The following NDRG1 variants were observed in gnomAD, a reference collection of about 807,000 sequenced individuals.
NDRG1 encodes the protein N-myc downstream regulated 1.
NDRG1 carries 32 observed loss-of-function variants against 56.9 expected under a neutral mutation model. The ratio of observed to expected loss-of-function variants is 0.56; its 90% CI spans 0.42 to 0.76. The LOEUF is 0.76. NDRG1 is among the 30% of genes least tolerant of loss of function. The pLI is 0.00. For synonymous variants in NDRG1, 211 were observed against 204.1 expected, an observed-to-expected ratio of 1.03 and a Z score of -0.29; for missense variants, 507 against 545.7, an observed-to-expected ratio of 0.93 and a Z score of 0.71.
chr8:133,281,528 G>T (rs751977297), intron 2 of NDRG1, among the ~76,000 whole-genome samples: 1 of 152,118 alleles, frequency 6.6e-6, no homozygotes, highest in African/African-American at 2.4e-5. Context: ...ATTTCTAAGA[G>T]ATGTTGCTGG....
In NDRG1 at chr8:133,248,767, G is replaced by C; in HGVS notation, c.703C>G (p.Arg235Gly). Residue 235 changes from arginine (R) to glycine (G), a missense_variant, in exon 11 of 16, where the codon CGC becomes GGC. Transcript: ENST00000323851. ...HLFINAYNSR[R>G]DLEIERPMPG... Reference sequence around the variant, plus strand: ...ATTGGTCGCTCAATCTCCAGGTCGCGCCGGCTGCAGGAAACAAATGCATCA... The same window carrying C: ...ATTGGTCGCTCAATCTCCAGGTCGCCCCGGCTGCAGGAAACAAATGCATCA... The C allele has an allele frequency of 6.2e-7, 1 of 1,614,106 alleles. No homozygotes were observed. The highest frequency in any genetic ancestry group is 8.5e-7 in the Non-Finnish European group (1 of 1,180,038).
intron 10 of NDRG1, 50 bp from the exon 11 acceptor site, chr8:133,248,821 A>G (rs1428865542): frequency 6.2e-7 from 1 of 1,608,556 alleles, no homozygotes; most frequent in Non-Finnish European, 8.5e-7. Flanking sequence ...CCCTGGAGAA[A>G]TCTCCCACTC....
rs1855227015 is a variant in NDRG1 at position 133,239,003 on chromosome 8, A to G, written c.1060T>C (p.Ser354Pro). Residue 354 changes from serine (S) to proline (P), a missense_variant, in exon 16 of 16, where the codon TCC becomes CCC. Transcript: ENST00000323851. ...SHTSEGTRSR[S>P]HTSEGTRSRS... is the part of the protein sequence containing the mutation. ...CTGCGGGTGCCCTCGCTGGTGTGGG[A>G]GCGGCTTCGGGTGCCCTCGCTGGTG... 1.9e-6 allele frequency: 3 copies of G among 1,596,318 alleles called. No individual in the cohort carries two copies. Among genetic ancestry groups the G allele is most frequent in the Non-Finnish European group, 2.6e-6 (3 of 1,173,018 alleles).
chr8:133,281,066 T>A (rs987358621), intron 2 of NDRG1: 6 of 152,214 alleles, frequency 3.9e-5, no homozygotes, highest in African/African-American at 1.4e-4. Flanking sequence ...CTAAAAATTC[T>A]GAGTTTCAGG....
chr8:133,246,647 T>C lies in NDRG1; in HGVS notation c.824A>G (p.Lys275Arg). 1.2e-6 allele frequency: 2 copies of C among 1,614,198 alleles called. No homozygotes were observed. Among genetic ancestry groups the C allele is most frequent in the African/African-American group, 1.3e-5 (1 of 75,058 alleles). The stretch of plus-strand genomic sequence containing the variant: ...GAGAGTGGTCTTTGTTGGGTCCAAT[T>C]TTGAGTTGCACTCCACCTGCACAAG... The part of the protein sequence containing the change: ...AVDAVVECNS[K>R]LDPTKTTLLK... Residue 275 changes from lysine to arginine, a missense_variant, in exon 13 of 16, where the codon AAA becomes AGA. Coordinates refer to ENST00000323851, the MANE Select transcript of NDRG1 (RefSeq NM_006096.4).
rs568772321 is a variant in NDRG1, at chr8:133,243,615, C to G, written c.891+740G>C. Among the ~76,000 whole-genome samples the G allele has an allele frequency of 2.0e-5, 3 of 152,234 alleles. No individual in the cohort carries two copies. The East Asian group carries it at 5.8e-4, about 29-fold the overall frequency. ...GTGCTCGTTGCACTCCTCTGAAGCT[C>G]TGAAAATTCTTTTAATTATGACCAG... On this transcript the variant is annotated intron_variant, in intron 14 of 15. Transcript: ENST00000323851.
At chr8:133,254,512 A>G in intron 9 of NDRG1, 27 bp downstream of exon 9, 1 of 1,613,746 alleles carries the variant, frequency 6.2e-7, no homozygotes. Flanking sequence ...AGCAGGAACA[A>G]CAGATTTGCC....
intron 9 of NDRG1, among the ~76,000 whole-genome samples, chr8:133,251,679 A>C (rs1307264338): frequency 6.6e-6 from 1 of 152,224 alleles, no homozygotes; most frequent in Non-Finnish European, 1.5e-5. Context: ...GAATCGTAAA[A>C]GGGGAAAGAG....
intron 15 of NDRG1, chr8:133,239,612 C>T (rs557470488): frequency 5.3e-6 from 1 of 188,616 alleles, no homozygotes; most frequent in African/African-American, 2.3e-5. Context: ...CATGGCTATT[C>T]GTTGTCATCT....
chr8:133,286,381 A>G (rs1858114003), intron 1 of NDRG1, among the ~76,000 whole-genome samples: 2 of 152,184 alleles, frequency 1.3e-5, no homozygotes, highest in African/African-American at 2.4e-5. Flanking sequence ...CCGTGATCAC[A>G]TTAGGACATA....
intron 8 of NDRG1, chr8:133,255,168 C>A (rs1856299360): frequency 5.1e-6 from 2 of 394,560 alleles, no homozygotes; most frequent in Non-Finnish European, 1.0e-5. Context: ...CTGACCTAAG[C>A]ATTAGGCAAA....
At chr8:133,264,916 C>G (rs947410698) in intron 3 of NDRG1, 2 of 518,818 alleles carry the variant, frequency 3.9e-6, no homozygotes, top group African/African-American at 3.8e-5. Context: ...AAAGGGCTTG[C>G]CCGCCACCAT....
At chr8:133,258,678 C>T (rs981066041) in intron 6 of NDRG1, among the ~76,000 whole-genome samples, 3 of 152,346 alleles carry the variant, frequency 2.0e-5, no homozygotes, top group South Asian at 4.1e-4. Flanking sequence ...CTGACATTTA[C>T]GGGAAGGCCC....
chr8:133,281,442 A>G (rs1857795867), intron 2 of NDRG1, among the ~76,000 whole-genome samples: 1 of 152,074 alleles, frequency 6.6e-6, no homozygotes, highest in African/African-American at 2.4e-5. Flanking sequence ...CCAGGAAGAC[A>G]GAGAAAAGTC....
In NDRG1 at chr8:133,296,208, T is replaced by C. The variant is rs1370550560; in HGVS notation, c.-19+926A>G. ...GAACGTCGAAGTAATTCCAGCTGTT[T>C]TCCCCCGTGGAGGGCAGGAGCGGCC... On this transcript the variant is annotated intron_variant, in intron 1 of 15. Transcript: ENST00000323851. 2.6e-5 allele frequency among the ~76,000 whole-genome samples: 4 copies of C among 151,464 alleles called. No individual in the cohort carries two copies. In the East Asian group the frequency reaches 5.9e-4, roughly 22 times the overall value.
intron 2 of NDRG1, 56 bp downstream of exon 2, chr8:133,284,189 CTGTG>C (rs1857970992): frequency 1.6e-5 from 25 of 1,516,186 alleles, no homozygotes; most frequent in Non-Finnish European, 2.0e-5. Flanking sequence ...TCCGGTGTGC[CTGTG>C]TGTGTCTATG....
chr8:133,242,139 G>C, intron 14 of NDRG1, 65 bp from the exon 15 acceptor site: 1 of 1,555,258 alleles, frequency 6.4e-7, no homozygotes, highest in East Asian at 2.2e-5. Flanking sequence ...GAGGCCATGG[G>C]GGGCTGTGCC....
At chr8:133,260,554 G>A (rs902162144) in intron 5 of NDRG1, among the ~76,000 whole-genome samples, 1 of 152,160 alleles carries the variant, frequency 6.6e-6, no homozygotes, top group African/African-American at 2.4e-5. Flanking sequence ...TCACCAGGGG[G>A]AACTAAGAGT....
At position 133,239,116 on chromosome 8, in the gene NDRG1, G is replaced by C. The variant is rs1033985666; in HGVS notation, c.947C>G (p.Pro316Arg). The C allele has an allele frequency of 1.7e-5, 27 of 1,555,286 alleles. No homozygotes were observed. Among genetic ancestry groups the C allele is most frequent in the Non-Finnish European group, 2.3e-5 (26 of 1,149,072 alleles). ...KYFVQGMGYM[P>R]SASMTRLMRS... The stretch of plus-strand genomic sequence containing the variant: ...CATCAGGCGGGTCATGCTAGCCGAG[G>C]GCACTAGGGGAACAAGAGACAGCCG... The change falls in exon 16 of 16, where the codon CCC becomes CGC. Residue 316 changes from proline to arginine, a missense_variant. Pro to Arg is a moderately radical substitution (Grantham distance 103, BLOSUM62 -2). Transcript: ENST00000323851.
Sources: allele counts gnomAD v4.1 joint callset (sites outside exome capture counted in the v4.1 genomes callset), GRCh38; gene constraint gnomAD v4.1.1; transcripts MANE v1.5; gene names NCBI Gene and HGNC (gene_info 2026-07-23, HGNC 2026-07-21).